FAM151B: variants seen among roughly 807,000 people sequenced by gnomAD.
FAM151B encodes the protein family with sequence similarity 151 member B, also known as protein FAM151B.
A neutral mutation model predicts 31.2 loss-of-function variants in FAM151B; 24 were observed. That is an observed-to-expected ratio of 0.77 (90% confidence interval 0.56 to 1.08). The LOEUF (loss-of-function observed/expected upper bound fraction) is 1.08. Among genes scored for constraint, FAM151B ranks in the 50% least tolerant of loss-of-function variants. The pLI is 0.00. For missense variants in FAM151B, 293 were observed against 328.6 expected (o/e 0.89, Z 0.84); for synonymous variants, 105 against 111.4 (o/e 0.94, Z 0.36).
At chr5:80,498,716 G>T (rs1048872990) in intron 1 of FAM151B, 1 of 585,338 alleles carries the variant, frequency 1.7e-6, no homozygotes, top group South Asian at 1.4e-5. Context: ...TCTTTCTCTT[G>T]TGTTTATTAT....
intron 5 of FAM151B, among the ~76,000 whole-genome samples, chr5:80,534,520 A>G (rs996600195): frequency 2.6e-5 from 4 of 152,228 alleles, no homozygotes; most frequent in African/African-American, 9.6e-5. Flanking sequence ...TGATCATTTC[A>G]ATTGATGCTG....
chr5:80,510,444 A>T (rs1744138293), intron 2 of FAM151B, among the ~76,000 whole-genome samples: 1 of 152,202 alleles, frequency 6.6e-6, no homozygotes, highest in African/African-American at 2.4e-5. Flanking sequence ...GCAGTTTTAA[A>T]GGCTAGGCCT....
chr5:80,496,802 T>C (rs1158570187), intron 1 of FAM151B, among the ~76,000 whole-genome samples: 2 of 5,056 alleles, frequency 4.0e-4, no homozygotes, highest in African/African-American at 4.9e-4. Flanking sequence ...TTGCTTAATT[T>C]TTTTTTTTTT....
At chr5:80,529,867 A>G (rs1745148097) in intron 5 of FAM151B, among the ~76,000 whole-genome samples, 1 of 152,214 alleles carries the variant, frequency 6.6e-6, no homozygotes, top group South Asian at 2.1e-4. Flanking sequence ...AAAAGAGGGA[A>G]TCCTCCCTAA....
chr5:80,521,621 A>G (rs1056599744), intron 4 of FAM151B, among the ~76,000 whole-genome samples: 2 of 152,210 alleles, frequency 1.3e-5, no homozygotes, highest in African/African-American at 2.4e-5. Context: ...ATTTAACAAA[A>G]ATAGGAAATC....
At chr5:80,496,326 G>T (rs376821915) in intron 1 of FAM151B, among the ~76,000 whole-genome samples, 1 of 152,274 alleles carries the variant, frequency 6.6e-6, no homozygotes, top group African/African-American at 2.4e-5. Flanking sequence ...TACAGCTAGC[G>T]GAAGGCTCAG....
Position 80,513,720 on chromosome 5 carries a change from C to G in FAM151B, c.268C>G (p.Leu90Val). 6.2e-7 allele frequency: 1 copy of G among 1,613,232 alleles called. No homozygotes were observed. The highest frequency in any genetic ancestry group is 8.5e-7 in the Non-Finnish European group (1 of 1,179,772). ...CAGTGATAATACTCTACAGGAGTGG[C>G]TGACTGAAGTTATGAAAAGCAATAA... ...TNSDNTLQEW[L>V]TEVMKSNKGI... The change falls in exon 3 of 6, where the codon CTG becomes GTG. Residue 90 changes from leucine (L) to valine (V), a missense_variant. By Grantham distance (32) the Leu-to-Val change is conservative (BLOSUM62 1). Transcript: ENST00000282226.
chr5:80,505,847 C>G (rs190459582), intron 2 of FAM151B: 7 of 149,674 alleles, frequency 4.7e-5, no homozygotes, highest in African/African-American at 1.5e-4. Context: ...ACCTCTGCCT[C>G]CTGTATTCAC....
intron 5 of FAM151B, 58 bp downstream of exon 5, chr5:80,522,196 G>A (rs1338354336): frequency 5.9e-6 from 9 of 1,518,106 alleles, no homozygotes; most frequent in African/African-American, 1.4e-5. Flanking sequence ...GAGATAGAAA[G>A]GGCATGAAAA....
chr5:80,515,878 TAG>T (rs1744423594), intron 3 of FAM151B, among the ~76,000 whole-genome samples: 1 of 152,220 alleles, frequency 6.6e-6, no homozygotes, highest in South Asian at 2.1e-4. Flanking sequence ...TTAGTGGAAC[TAG>T]AGAGCTGTCA....
intron 2 of FAM151B, among the ~76,000 whole-genome samples, chr5:80,506,506 T>A (rs1743971418): frequency 6.6e-6 from 1 of 152,292 alleles, no homozygotes; most frequent in Admixed American, 6.5e-5. Context: ...GAATCTGAAT[T>A]TCTATTTATT....
intron 3 of FAM151B, among the ~76,000 whole-genome samples, chr5:80,514,801 G>A (rs1744345767): frequency 6.6e-6 from 1 of 152,054 alleles, no homozygotes; most frequent in African/African-American, 2.4e-5. Flanking sequence ...GGATTCTTAA[G>A]ATGACTCTAA....
chr5:80,488,234 C>T, intron 1 of FAM151B, 86 bp downstream of exon 1: 1 of 1,462,072 alleles, frequency 6.8e-7, no homozygotes, highest in Non-Finnish European at 9.1e-7. Flanking sequence ...CGGGCTCCCG[C>T]GGTCTTCCTT....
chr5:80,520,870 G>A (rs994698146), intron 4 of FAM151B, among the ~76,000 whole-genome samples: 10 of 145,798 alleles, frequency 6.9e-5, no homozygotes, highest in African/African-American at 2.0e-4. Context: ...GTGCAGTGGT[G>A]TGATCTCAGC....
chr5:80,513,749 C>T lies in FAM151B; in HGVS notation c.297C>T (p.Gly99=). The change falls in exon 3 of 6, where the codon GGC becomes GGT. Residue 99 remains glycine, a synonymous_variant. Transcript: ENST00000282226. The part of the protein sequence containing the change: ...WLTEVMKSNK[G]IKLDFKSLAV... ...CTGAAGTTATGAAAAGCAATAAAGG[C>T]ATCAAGCTGGATTTCAAAAGGTATT... 6.2e-7 allele frequency: 1 copy of T among 1,610,362 alleles called. No homozygotes were observed. Among genetic ancestry groups the T allele is most frequent in the Non-Finnish European group, 8.5e-7 (1 of 1,178,994 alleles).
chr5:80,511,959 A>G (rs943423720), intron 2 of FAM151B, among the ~76,000 whole-genome samples: 1 of 152,216 alleles, frequency 6.6e-6, no homozygotes, highest in African/African-American at 2.4e-5. Context: ...ACTATGCTAC[A>G]TAATTCATCT....
At chr5:80,532,194 G>A (rs1252722237) in intron 5 of FAM151B, among the ~76,000 whole-genome samples, 1 of 126,862 alleles carries the variant, frequency 7.9e-6, no homozygotes, top group African/African-American at 3.1e-5. Flanking sequence ...ACAGGGTGGG[G>A]AACATCCCAC....
intron 2 of FAM151B, among the ~76,000 whole-genome samples, chr5:80,506,763 A>G (rs1312872904): frequency 6.6e-6 from 1 of 152,068 alleles, no homozygotes; most frequent in Non-Finnish European, 1.5e-5. Context: ...TTTTTTCCCT[A>G]AAGGCTTTGA....
chr5:80,492,106 A>T (rs1015847369), intron 1 of FAM151B, among the ~76,000 whole-genome samples: 3 of 152,164 alleles, frequency 2.0e-5, no homozygotes, highest in Admixed American at 1.3e-4. Flanking sequence ...GTAGTGGTGG[A>T]TACATGCCAT....
Sources: allele counts gnomAD v4.1 joint callset (sites outside exome capture counted in the v4.1 genomes callset), GRCh38; gene constraint gnomAD v4.1.1; transcripts MANE v1.5; gene names NCBI Gene and HGNC (gene_info 2026-07-23, HGNC 2026-07-21).